Variants in AGBL1 observed in about 807,000 individuals in gnomAD.
AGBL1 encodes the protein cytosolic carboxypeptidase 4.
AGBL1 carries 130 observed loss-of-function variants against 118.9 expected under a neutral mutation model. That is an observed-to-expected ratio of 1.09 (90% CI 0.95 to 1.26). AGBL1 has a LOEUF of 1.26. Among genes scored for constraint, AGBL1 ranks in the 50% most tolerant of loss-of-function variants. The pLI, the probability that AGBL1 is intolerant of heterozygous loss-of-function variation, is 0.00. For synonymous variants in AGBL1, 555 were observed against 478.9 expected, an observed-to-expected ratio of 1.16 and a Z score of -2.08; for missense variants, 1,584 against 1,298.1, an observed-to-expected ratio of 1.22 and a Z score of -3.38.
intron 17 of AGBL1, among the ~76,000 whole-genome samples, chr15:86,380,593 A>C: frequency 7.6e-6 from 1 of 132,066 alleles, no homozygotes. Context: ...TCCCTATGGC[A>C]TATTCATCCG....
Position 86,318,475 on chromosome 15 carries a change from A to G in AGBL1, c.2374+23067A>G, listed in dbSNP as rs567003709. Among the ~76,000 whole-genome samples, 17 of 151,884 alleles carry G rather than the reference A, an allele frequency of 1.1e-4. No individual in the cohort carries two copies. The South Asian group carries it at 3.3e-3, about 30-fold the overall frequency. ...ATAATGTAGTACTATCCTTTGACAT[A>G]TATCTTTTACTCAATGTTTTTTTTT... On this transcript the variant is annotated intron_variant, in intron 17 of 22. Coordinates refer to ENST00000614907, the MANE Select transcript of AGBL1 (RefSeq NM_001386094.1).
chr15:86,783,105 A>G (rs1424039974), intron 22 of AGBL1, among the ~76,000 whole-genome samples: 1 of 152,224 alleles, frequency 6.6e-6, no homozygotes, highest in Non-Finnish European at 1.5e-5. Flanking sequence ...CAAGTTGCTT[A>G]TGCTTTCCAG....
downstream of AGBL1, among the ~76,000 whole-genome samples, chr15:86,916,865 G>A (rs2080431443): frequency 6.6e-6 from 1 of 152,200 alleles, no homozygotes; most frequent in Non-Finnish European, 1.5e-5. Flanking sequence ...ACCGAGGCCA[G>A]GCCTGCACAA....
chr15:86,474,018 C>G (rs141092243), intron 18 of AGBL1, among the ~76,000 whole-genome samples: 4 of 152,156 alleles, frequency 2.6e-5, no homozygotes, highest in Admixed American at 1.3e-4. Flanking sequence ...AATAAAATTG[C>G]ACTGTTTGGT....
chr15:86,635,443 C>T (rs1331029413), intron 21 of AGBL1, among the ~76,000 whole-genome samples: 9 of 151,242 alleles, frequency 6.0e-5, no homozygotes, highest in East Asian at 2.0e-4. Context: ...CCCTGAACTG[C>T]GATTCAGGTT....
At position 86,650,202 on chromosome 15, in the gene AGBL1, C is replaced by T. The variant is rs557428506; in HGVS notation, c.2995-24071C>T. On this transcript the variant is annotated intron_variant, in intron 21 of 22. Transcript: ENST00000614907. ...CTTCATTAGTAACAGAATCCCTTTCCCTGTTTTTAGCTTGGTACACGGCCA... is the reference window on the plus strand; with the variant it reads ...CTTCATTAGTAACAGAATCCCTTTCTCTGTTTTTAGCTTGGTACACGGCCA... 3.3e-5 allele frequency among the ~76,000 whole-genome samples: 5 copies of T among 152,210 alleles called. No homozygotes were observed. The South Asian group carries it at 1.0e-3, about 32-fold the overall frequency.
At position 86,546,118 on chromosome 15, in the gene AGBL1, G is replaced by A. The variant is rs938376686; in HGVS notation, c.2802G>A (p.Glu934=). ...ACTVGTSTIL[E]EVNYRTLPKI... is the part of the protein sequence containing the mutation. ...CTGTGGGCACATCTACTATCCTAGA[G>A]GAGGTCAACTACAGGGTAAGCCGCT... is the stretch of plus-strand genomic sequence containing the variant. Residue 934 remains glutamate, a synonymous_variant, in exon 20 of 23, where the codon GAG becomes GAA. Coordinates refer to ENST00000614907, the MANE Select transcript of AGBL1 (RefSeq NM_001386094.1). The A allele has an allele frequency of 3.7e-6, 6 of 1,612,874 alleles. No homozygotes were observed. The highest frequency in any genetic ancestry group is 1.6e-4 in the Middle Eastern group (1 of 6,074).
At chr15:86,772,787 G>T (rs766770563) in intron 22 of AGBL1, among the ~76,000 whole-genome samples, 10 of 152,064 alleles carry the variant, frequency 6.6e-5, no homozygotes, top group Admixed American at 2.6e-4. Context: ...CTGCTGATAC[G>T]TACAATAAGC....
intron 22 of AGBL1, among the ~76,000 whole-genome samples, chr15:86,862,013 G>T (rs1007828293): frequency 2.0e-5 from 3 of 152,264 alleles, no homozygotes; most frequent in Admixed American, 6.5e-5. Flanking sequence ...ACTAGGGTTG[G>T]AATCTTGCTC....
chr15:86,733,410 T>C (rs1347092678), intron 22 of AGBL1, among the ~76,000 whole-genome samples: 1 of 152,184 alleles, frequency 6.6e-6, no homozygotes, highest in Non-Finnish European at 1.5e-5. Context: ...ATCATTCAAA[T>C]GCTGTTCTCA....
chr15:86,534,756 A>C (rs1009266701), intron 19 of AGBL1, among the ~76,000 whole-genome samples: 2 of 152,226 alleles, frequency 1.3e-5, no homozygotes, highest in Non-Finnish European at 2.9e-5. Flanking sequence ...TCTCATAAAC[A>C]TTATATTGAG....
At chr15:86,931,566 T>TTGCTGCTGCTGCTGC (rs59067780) in intron 23 of AGBL1, among the ~76,000 whole-genome samples, 8,660 of 150,470 alleles carry the variant, frequency 0.058, 267 homozygotes, top group South Asian at 0.11. Flanking sequence ...AGTGGTGCTT[T>TTGCTGCTGCTGCTGC]TGCTGCTGCT....
chr15:86,273,830 A>T (rs1174708060), intron 15 of AGBL1, among the ~76,000 whole-genome samples: 1 of 152,184 alleles, frequency 6.6e-6, no homozygotes, highest in East Asian at 1.9e-4. Context: ...GTACCTGAGT[A>T]TGTTTATAGA....
At chr15:86,698,885 A>C (rs2086308728) in intron 22 of AGBL1, among the ~76,000 whole-genome samples, 1 of 151,998 alleles carries the variant, frequency 6.6e-6, no homozygotes, top group African/African-American at 2.4e-5. Flanking sequence ...ACTGAAAAAT[A>C]AAGATTTATT....
At chr15:86,638,862 G>C (rs1028554558) in intron 21 of AGBL1, among the ~76,000 whole-genome samples, 1 of 152,158 alleles carries the variant, frequency 6.6e-6, no homozygotes, top group Non-Finnish European at 1.5e-5. Flanking sequence ...TCTGCTTTCA[G>C]GACCTTTCAC....
At chr15:86,857,312 G>C (rs2079497095) in intron 22 of AGBL1, among the ~76,000 whole-genome samples, 1 of 152,098 alleles carries the variant, frequency 6.6e-6, no homozygotes, top group Non-Finnish European at 1.5e-5. Context: ...CCATCCATCA[G>C]CTTCCCATCC....
intron 19 of AGBL1, among the ~76,000 whole-genome samples, chr15:86,541,661 G>T (rs1189763909): frequency 6.7e-6 from 1 of 148,346 alleles, no homozygotes; most frequent in Non-Finnish European, 1.5e-5. Flanking sequence ...TCTAGAATAG[G>T]ACATCATGCA....
intron 5 of AGBL1, among the ~76,000 whole-genome samples, chr15:86,183,919 G>A (rs985323832): frequency 1.1e-4 from 17 of 152,164 alleles, no homozygotes; most frequent in Non-Finnish European, 1.5e-5. Context: ...ATGAGGCAGA[G>A]AAACATGAGT....
rs189235423 is a variant in AGBL1 at position 86,085,022 on chromosome 15, A to G, written c.51+4999A>G. 1.3e-5 allele frequency among the ~76,000 whole-genome samples: 2 copies of G among 152,346 alleles called. 1 individual carries two copies. Among genetic ancestry groups the G allele is most frequent in the East Asian group, 3.9e-4 (2 of 5,190 alleles). On this transcript the variant is annotated intron_variant, in intron 1 of 22. Coordinates refer to ENST00000614907, the MANE Select transcript of AGBL1 (RefSeq NM_001386094.1). ...TGGTAAGCATATTGGTACATGCCCA[A>G]TAAGTAGGAGCACTTATTGTAATGA... is the stretch of plus-strand genomic sequence containing the variant.
Sources: gnomAD v4.1 joint callset for allele counts (sites outside exome capture counted in the v4.1 genomes callset) on GRCh38, gnomAD v4.1.1 for gene constraint, MANE v1.5 for transcripts, NCBI Gene and HGNC (gene_info 2026-07-23, HGNC 2026-07-21) for gene names.